CDC14B: variants seen among roughly 807,000 people sequenced by gnomAD.
CDC14B encodes the protein dual specificity protein phosphatase CDC14B.
Under a neutral mutation model 64.2 loss-of-function variants are expected in CDC14B, and 22 were observed. The ratio of observed to expected loss-of-function variants is 0.34; its 90% CI spans 0.24 to 0.49. The LOEUF (loss-of-function observed/expected upper bound fraction) is 0.49, where lower values mean the gene tolerates loss of function less well. CDC14B is among the 20% of genes least tolerant of loss of function. The pLI is 0.99. For synonymous variants in CDC14B, 191 were observed against 215.8 expected (o/e 0.89, Z 1.01); for missense variants, 498 against 629.9 (o/e 0.79, Z 2.24).
chr9:96,584,380 G>T (rs780142786), intron 1 of CDC14B, among the ~76,000 whole-genome samples: 38 of 152,072 alleles, frequency 2.5e-4, no homozygotes, highest in Non-Finnish European at 4.6e-4. Flanking sequence ...CAGCAGTATG[G>T]TACAAAGAAT....
chr9:96,562,668 A>C (rs1415066428), intron 4 of CDC14B, 25 bp downstream of exon 4: 3 of 1,469,920 alleles, frequency 2.0e-6, no homozygotes, highest in Admixed American at 1.7e-5. Flanking sequence ...ATTTTTATGA[A>C]TACATTAGGA....
intron 1 of CDC14B, among the ~76,000 whole-genome samples, chr9:96,575,083 G>A (rs1219182744): frequency 2.0e-5 from 3 of 152,148 alleles, no homozygotes; most frequent in Non-Finnish European, 2.9e-5. Flanking sequence ...GATTTACAAC[G>A]GATGTTTATT....
At chr9:96,533,786 T>A (rs1838869048) in intron 9 of CDC14B, 141 bp downstream of exon 9, 1 of 559,274 alleles carries the variant, frequency 1.8e-6, no homozygotes. Flanking sequence ...ATACTTTTCA[T>A]CTGAAATCAA....
intron 5 of CDC14B, among the ~76,000 whole-genome samples, chr9:96,543,958 C>G (rs915377527): frequency 2.0e-5 from 3 of 152,172 alleles, no homozygotes; most frequent in African/African-American, 7.2e-5. Flanking sequence ...GTGGCTCACG[C>G]CTGTAATCCC....
intron 12 of CDC14B, among the ~76,000 whole-genome samples, chr9:96,514,204 G>A (rs1319796221): frequency 1.3e-5 from 2 of 152,166 alleles, no homozygotes; most frequent in Non-Finnish European, 2.9e-5. Flanking sequence ...TAGAGACCAT[G>A]TTTAAACTTA....
intron 9 of CDC14B, among the ~76,000 whole-genome samples, chr9:96,533,316 G>C (rs748904342): frequency 9.9e-5 from 15 of 152,038 alleles, no homozygotes; most frequent in Non-Finnish European, 1.5e-4. Context: ...CTGTTTCTTT[G>C]TATGCCATGT....
At chr9:96,602,017 C>A (rs1475835954) in intron 1 of CDC14B, among the ~76,000 whole-genome samples, 1 of 152,026 alleles carries the variant, frequency 6.6e-6, no homozygotes, top group Non-Finnish European at 1.5e-5. Flanking sequence ...CAGGATCGCG[C>A]CACTGCACTC....
intron 5 of CDC14B, among the ~76,000 whole-genome samples, chr9:96,550,225 C>T (rs1841604494): frequency 1.3e-5 from 2 of 152,162 alleles, no homozygotes; most frequent in South Asian, 2.1e-4. Flanking sequence ...CCTTCCTACC[C>T]ACCTCAAATA....
intron 12 of CDC14B, among the ~76,000 whole-genome samples, chr9:96,511,565 C>G (rs943101337): frequency 6.6e-6 from 1 of 152,156 alleles, no homozygotes; most frequent in Admixed American, 6.5e-5. Flanking sequence ...AGCGAGACTC[C>G]GCAACCAGAG....
chr9:96,582,731 C>A (rs940862821), intron 1 of CDC14B, among the ~76,000 whole-genome samples: 2 of 152,186 alleles, frequency 1.3e-5, no homozygotes, highest in African/African-American at 4.8e-5. Context: ...TCAAACAACA[C>A]AAAAGCAAAA....
chr9:96,494,934 A>G (rs1023652325), intron 13 of CDC14B, among the ~76,000 whole-genome samples: 3 of 150,578 alleles, frequency 2.0e-5, no homozygotes, highest in African/African-American at 4.9e-5. Flanking sequence ...TCCCGGGTTC[A>G]TGCCATTCTC....
intron 1 of CDC14B, among the ~76,000 whole-genome samples, chr9:96,614,572 T>C (rs966920629): frequency 6.6e-6 from 1 of 152,172 alleles, no homozygotes; most frequent in East Asian, 1.9e-4. Context: ...CATAGATATA[T>C]GCAGTAGTGT....
intron 1 of CDC14B, among the ~76,000 whole-genome samples, chr9:96,592,905 A>G (rs1041532379): frequency 3.9e-5 from 6 of 152,238 alleles, no homozygotes; most frequent in African/African-American, 1.4e-4. Flanking sequence ...ATTTAAAAAA[A>G]GCCATTTGGT....
At chr9:96,612,141 A>G (rs1847359098) in intron 1 of CDC14B, among the ~76,000 whole-genome samples, 1 of 152,240 alleles carries the variant, frequency 6.6e-6, no homozygotes, top group South Asian at 2.1e-4. Context: ...AAAGATGATC[A>G]CCACGGCACC....
chr9:96,602,106 G>A (rs951658780), intron 1 of CDC14B, among the ~76,000 whole-genome samples: 9 of 152,112 alleles, frequency 5.9e-5, no homozygotes, highest in Non-Finnish European at 8.8e-5. Context: ...AACTAACTGT[G>A]GTAGTCATTA....
chr9:96,585,911 G>A (rs773559294), intron 1 of CDC14B, among the ~76,000 whole-genome samples: 2 of 152,186 alleles, frequency 1.3e-5, no homozygotes, highest in African/African-American at 4.8e-5. Flanking sequence ...AGGGAACACC[G>A]CTCAGCAGTA....
chr9:96,521,092 T>TA (rs1216252255), intron 12 of CDC14B, among the ~76,000 whole-genome samples: 2 of 152,086 alleles, frequency 1.3e-5, no homozygotes, highest in African/African-American at 2.4e-5. Context: ...TTTTTTGAGA[T>TA]AGAGTCTCAC....
Position 96,500,624 on chromosome 9 carries a change from AAG to A in CDC14B, c.*3127_*3128del, listed in dbSNP as rs1833483945. The A allele has an allele frequency of 6.5e-6, 1 of 152,688 alleles. No individual in the cohort carries two copies. The allele number at this position is 152,688 out of a possible 1,614,324, so 9.5% of individuals were successfully genotyped here. On this transcript the variant is annotated 3_prime_UTR_variant, in exon 14 of 14. Coordinates refer to ENST00000375241, the MANE Select transcript of CDC14B (RefSeq NM_033331.4). Reference sequence around the variant, plus strand: ...AGAATAACCTGATGTGGGTAAATGGAAGAGCAGCAGATAGCCTCTCCAGGGCA... The same window carrying A: ...AGAATAACCTGATGTGGGTAAATGGAAGCAGCAGATAGCCTCTCCAGGGCA...
At chr9:96,610,426 C>T (rs1435635037) in intron 1 of CDC14B, among the ~76,000 whole-genome samples, 1 of 152,192 alleles carries the variant, frequency 6.6e-6, no homozygotes, top group Admixed American at 6.5e-5. Context: ...TCTTGATCTC[C>T]TGACCTCGTG....
Sources: allele counts gnomAD v4.1 joint callset (sites outside exome capture counted in the v4.1 genomes callset), GRCh38; gene constraint gnomAD v4.1.1; transcripts MANE v1.5; gene names NCBI Gene and HGNC (gene_info 2026-07-23, HGNC 2026-07-21).